Variants in GUCY1A2 observed in about 807,000 individuals in gnomAD.
GUCY1A2 encodes guanylate cyclase 1 soluble subunit alpha 2, also known as guanylate cyclase soluble subunit alpha-2.
In GUCY1A2, 27 loss-of-function variants were observed where a neutral mutation model predicts 63.5. The observed-to-expected ratio is 0.43, with a 90% CI of 0.31 to 0.59. GUCY1A2 has a LOEUF of 0.59. Ranked by LOEUF, GUCY1A2 falls within the 20% of genes least tolerant of loss-of-function variation. The pLI is 0.11. For missense variants in GUCY1A2, 768 were observed against 913.3 expected (o/e 0.84, Z 2.05); for synonymous variants, 364 against 343.5 (o/e 1.06, Z -0.66).
intron 1 of GUCY1A2, among the ~76,000 whole-genome samples, chr11:107,010,524 C>G (rs532585191): frequency 6.6e-6 from 1 of 152,120 alleles, no homozygotes; most frequent in Non-Finnish European, 1.5e-5. Flanking sequence ...AAAACGACTT[C>G]CTTCCGAAGT....
chr11:106,927,957 TAGTA>T (rs1860550324), intron 4 of GUCY1A2, among the ~76,000 whole-genome samples: 1 of 152,104 alleles, frequency 6.6e-6, no homozygotes, highest in African/African-American at 2.4e-5. Flanking sequence ...CATATTAAGA[TAGTA>T]AGATAAGAAT....
At chr11:106,948,068 G>C (rs1162772925) in intron 3 of GUCY1A2, among the ~76,000 whole-genome samples, 1 of 152,120 alleles carries the variant, frequency 6.6e-6, no homozygotes, top group Non-Finnish European at 1.5e-5. Context: ...GAATGGAAAT[G>C]GGTAAGTATC....
chr11:107,011,137 C>T lies in GUCY1A2; in HGVS notation c.303+6616G>A, dbSNP rs556049604. Among the ~76,000 whole-genome samples, 24 of 152,292 alleles carry T rather than the reference C, an allele frequency of 1.6e-4. No individual in the cohort carries two copies. The South Asian group carries it at 3.3e-3, about 21-fold the overall frequency. The stretch of plus-strand genomic sequence containing the variant: ...TAAATTAACCCACTGCCTCATGCAT[C>T]GAACAAAGGGCCTGTGAAGAAAGCC... On this transcript the variant is annotated intron_variant, in intron 1 of 7. Transcript: ENST00000526355.
intron 6 of GUCY1A2, among the ~76,000 whole-genome samples, chr11:106,752,669 G>A (rs1863902727): frequency 1.3e-5 from 2 of 152,112 alleles, no homozygotes; most frequent in South Asian, 2.1e-4. Context: ...CTTCATCCAT[G>A]TCCCTGCAAA....
At chr11:106,798,242 T>C (rs1864804256) in intron 5 of GUCY1A2, among the ~76,000 whole-genome samples, 2 of 152,066 alleles carry the variant, frequency 1.3e-5, no homozygotes, top group South Asian at 4.1e-4. Context: ...AATAGACCCA[T>C]AACAGGGTCT....
At chr11:106,945,886 A>G (rs1001592254) in intron 3 of GUCY1A2, among the ~76,000 whole-genome samples, 2 of 152,148 alleles carry the variant, frequency 1.3e-5, no homozygotes, top group Non-Finnish European at 2.9e-5. Flanking sequence ...AATCGCTTGA[A>G]CCTGGGAGGC....
intron 7 of GUCY1A2, among the ~76,000 whole-genome samples, chr11:106,694,093 A>G (rs1447546272): frequency 6.6e-6 from 1 of 152,206 alleles, no homozygotes; most frequent in Non-Finnish European, 1.5e-5. Flanking sequence ...GTTCCCAAAT[A>G]TCAATATATT....
chr11:106,777,777 ATG>A (rs1164529846), intron 5 of GUCY1A2, among the ~76,000 whole-genome samples: 1 of 152,110 alleles, frequency 6.6e-6, no homozygotes. Flanking sequence ...GTGTATACCT[ATG>A]TAACAAAACC....
chr11:106,959,032 G>A (rs902488583), intron 3 of GUCY1A2, among the ~76,000 whole-genome samples: 4 of 152,146 alleles, frequency 2.6e-5, no homozygotes, highest in African/African-American at 4.8e-5. Context: ...CTTTAGCATC[G>A]TGGGTGAGGC....
chr11:107,007,903 CTTT>C lies in GUCY1A2; in HGVS notation c.303+9847_303+9849del, dbSNP rs1555060988. 1.7e-3 allele frequency among the ~76,000 whole-genome samples: 244 copies of C among 144,104 alleles called. 9 individuals carry two copies. The East Asian group carries it at 0.019, about 11-fold the overall frequency. The allele number at this position is 144,104 out of a possible 152,430, so 94.5% of individuals were successfully genotyped here. On this transcript the variant is annotated intron_variant, in intron 1 of 7. Transcript: ENST00000526355. ...CCCTCTAGCTTACAGATACACATTT[CTTT>C]AGGAGATAATATAGACACCCTTGTA...
intron 5 of GUCY1A2, among the ~76,000 whole-genome samples, chr11:106,791,332 G>C (rs1000678794): frequency 1.2e-4 from 19 of 152,208 alleles, no homozygotes; most frequent in Non-Finnish European, 2.4e-4. Context: ...TCCATGCTTT[G>C]CAGCTACTAC....
At position 106,904,422 on chromosome 11, in the gene GUCY1A2, A is replaced by T. The variant is rs551067352; in HGVS notation, c.1206+35038T>A. Among the ~76,000 whole-genome samples the T allele has an allele frequency of 1.3e-4, 20 of 152,240 alleles. 1 individual carries two copies. The highest frequency in any genetic ancestry group is 4.3e-4 in the African/African-American group (18 of 41,564). Reference sequence around the variant, plus strand: ...TGTTTAGAATGTGTAACCACTGATTACTGTGTTAGTAAACATCTATGTCTC... The same window carrying T: ...TGTTTAGAATGTGTAACCACTGATTTCTGTGTTAGTAAACATCTATGTCTC... On this transcript the variant is annotated intron_variant, in intron 4 of 7. Transcript: ENST00000526355.
chr11:106,881,534 T>C (rs189066731), intron 4 of GUCY1A2, among the ~76,000 whole-genome samples: 127 of 152,166 alleles, frequency 8.3e-4, no homozygotes, highest in Middle Eastern at 3.4e-3. Flanking sequence ...AAGTCTGCCT[T>C]ATGGTGTATT....
At chr11:106,834,360 C>T (rs1187456572) in intron 4 of GUCY1A2, among the ~76,000 whole-genome samples, 1 of 151,938 alleles carries the variant, frequency 6.6e-6, no homozygotes, top group Non-Finnish European at 1.5e-5. Context: ...CATCTGGGCT[C>T]ATTTTAAATA....
At chr11:106,922,510 T>A (rs1860458490) in intron 4 of GUCY1A2, among the ~76,000 whole-genome samples, 1 of 150,676 alleles carries the variant, frequency 6.6e-6, no homozygotes, top group Non-Finnish European at 1.5e-5. Context: ...TTTGTTTATA[T>A]GCCTCTCTTA....
chr11:106,913,623 C>G (rs1860326165), intron 4 of GUCY1A2, among the ~76,000 whole-genome samples: 5 of 152,130 alleles, frequency 3.3e-5, no homozygotes, highest in Admixed American at 2.6e-4. Context: ...TCAAACAAAC[C>G]ATATTCAAAC....
At chr11:106,786,954 A>T (rs183090189) in intron 5 of GUCY1A2, among the ~76,000 whole-genome samples, 13 of 152,322 alleles carry the variant, frequency 8.5e-5, no homozygotes, top group Admixed American at 3.9e-4. Flanking sequence ...ATATCCCCAG[A>T]GAATGGCAAA....
At chr11:106,758,792 TAGAG>T (rs1272725637) in intron 6 of GUCY1A2, among the ~76,000 whole-genome samples, 2 of 152,162 alleles carry the variant, frequency 1.3e-5, no homozygotes, top group African/African-American at 2.4e-5. Context: ...GTAGCATAGT[TAGAG>T]AGGGAAGCTT....
chr11:106,950,695 T>C (rs926627339), intron 3 of GUCY1A2, among the ~76,000 whole-genome samples: 2 of 152,164 alleles, frequency 1.3e-5, no homozygotes, highest in Admixed American at 1.3e-4. Context: ...GAAAGCATGA[T>C]TTCCACATGG....
Sources: allele counts gnomAD v4.1 joint callset (sites outside exome capture counted in the v4.1 genomes callset), GRCh38; gene constraint gnomAD v4.1.1; transcripts MANE v1.5; gene names NCBI Gene and HGNC (gene_info 2026-07-23, HGNC 2026-07-21).